GIGYF2: variants seen among roughly 807,000 people sequenced by gnomAD.
The protein encoded by GIGYF2 is GRB10 interacting GYF protein 2, also known as GRB10-interacting GYF protein 2.
A neutral mutation model predicts 208.1 loss-of-function variants in GIGYF2; 25 were observed. The observed-to-expected ratio is 0.12, with a 90% CI of 0.09 to 0.17. The LOEUF is 0.17. GIGYF2 is among the 10% of genes least tolerant of loss of function. GIGYF2 has a pLI of 1.00. For missense variants in GIGYF2, 1,302 were observed against 1,579.4 expected (o/e 0.82, Z 2.98); for synonymous variants, 534 against 543.8 (o/e 0.98, Z 0.25).
intron 8 of GIGYF2, among the ~76,000 whole-genome samples, chr2:232,775,333 CAAAG>C (rs1280359518): frequency 2.0e-5 from 3 of 147,202 alleles, no homozygotes; most frequent in African/African-American, 4.9e-5. Context: ...TAGATTAAAA[CAAAG>C]AAAGTGAAAA....
chr2:232,850,586 G>A (rs1244320141), intron 28 of GIGYF2, among the ~76,000 whole-genome samples, 177 bp downstream of exon 28: 2 of 152,202 alleles, frequency 1.3e-5, no homozygotes, highest in African/African-American at 4.8e-5. Flanking sequence ...TCTCAGTGCA[G>A]GACCTGTGCC....
intron 2 of GIGYF2, among the ~76,000 whole-genome samples, chr2:232,717,374 T>TTA (rs1470553628): frequency 3.9e-5 from 6 of 152,088 alleles, no homozygotes; most frequent in East Asian, 3.9e-4. Flanking sequence ...AATGTGAAGT[T>TTA]TATAGTTCAA....
In GIGYF2 at chr2:232,730,026, T is replaced by G. The variant is rs946552788; in HGVS notation, c.-43-5129T>G. 4.9e-6 allele frequency: 4 copies of G among 814,010 alleles called. No homozygotes were observed. The African/African-American group carries it at 5.0e-5, about 10-fold the overall frequency. 50.4% of individuals were successfully genotyped at this position (814,010 alleles called of 1,614,324 possible). A position where few individuals can be genotyped will look rare whatever the true frequency, so the allele number is the denominator to read the frequency against. On this transcript the variant is annotated intron_variant, in intron 2 of 28. Coordinates refer to ENST00000373563, the MANE Select transcript of GIGYF2 (RefSeq NM_001103146.3). ...CTTTTCTTTTTCGTAAGACTTGATG[T>G]GATTATACCAACGAAGGGCATAACA...
intron 2 of GIGYF2, chr2:232,724,804 C>T (rs1324664589): frequency 1.3e-5 from 2 of 152,112 alleles, no homozygotes; most frequent in African/African-American, 2.4e-5. Flanking sequence ...CCTCCTGCCT[C>T]AGTCTCCTAA....
rs1049516419 is a variant in GIGYF2, at chr2:232,820,273, G to A, written c.2529+288G>A. 4.6e-5 allele frequency among the ~76,000 whole-genome samples: 7 copies of A among 151,682 alleles called. No homozygotes were observed. The East Asian group carries it at 7.7e-4, about 17-fold the overall frequency. ...TTTAAAGCAAGTTTCAAACTAAAGC[G>A]GAATAGTACAACAAATTCTCATAAA... On this transcript the variant is annotated intron_variant, in intron 21 of 28. Coordinates refer to ENST00000373563, the MANE Select transcript of GIGYF2 (RefSeq NM_001103146.3).
At chr2:232,710,684 T>C (rs527607900) in intron 2 of GIGYF2, among the ~76,000 whole-genome samples, 2 of 149,112 alleles carry the variant, frequency 1.3e-5, no homozygotes, top group Admixed American at 1.4e-4. Context: ...ATTTTGGATC[T>C]TGGTGTTCTT....
Position 232,831,507 on chromosome 2 carries a change from A to G in GIGYF2, c.2530-1350A>G, listed in dbSNP as rs148652611. On this transcript the variant is annotated intron_variant, in intron 21 of 28. Coordinates refer to ENST00000373563, the MANE Select transcript of GIGYF2 (RefSeq NM_001103146.3). ...TTTCTGTCCTCAAGAAGCACAGCCT[A>G]TGTGTGTGATGAATATACAAGAAGT... is the stretch of plus-strand genomic sequence containing the variant. Among the ~76,000 whole-genome samples, 1,328 of 152,290 alleles carry G rather than the reference A, an allele frequency of 8.7e-3. 36 individuals are homozygous for G. The highest frequency in any genetic ancestry group is 0.054 in the Admixed American group (828 of 15,296).
At chr2:232,748,220 T>C (rs1161429693) in intron 4 of GIGYF2, among the ~76,000 whole-genome samples, 1 of 152,230 alleles carries the variant, frequency 6.6e-6, no homozygotes, top group Non-Finnish European at 1.5e-5. Flanking sequence ...GTGTAAAATA[T>C]ACTTTTGTTA....
chr2:232,766,787 T>A (rs1698981297), intron 8 of GIGYF2: 1 of 152,242 alleles, frequency 6.6e-6, no homozygotes, highest in African/African-American at 2.4e-5. Context: ...TGCTTGCCTT[T>A]ACTCAGCTAG....
chr2:232,783,477 A>AG, intron 8 of GIGYF2, among the ~76,000 whole-genome samples: 1 of 152,090 alleles, frequency 6.6e-6, no homozygotes, highest in East Asian at 1.9e-4. Context: ...TTTGTGAAAG[A>AG]GGGGGTTGGA....
intron 12 of GIGYF2, among the ~76,000 whole-genome samples, chr2:232,794,462 T>C (rs1465597980): frequency 6.6e-6 from 1 of 152,196 alleles, no homozygotes; most frequent in Non-Finnish European, 1.5e-5. Context: ...TGATTGTTTC[T>C]AAGAGGTCAA....
At chr2:232,701,466 G>A (rs886793054) in intron 1 of GIGYF2, among the ~76,000 whole-genome samples, 2 of 150,254 alleles carry the variant, frequency 1.3e-5, no homozygotes, top group Non-Finnish European at 3.0e-5. Flanking sequence ...GTCTTGCTCT[G>A]TCACCTAGGC....
At chr2:232,824,871 G>C (rs1038510744) in intron 21 of GIGYF2, among the ~76,000 whole-genome samples, 1 of 152,194 alleles carries the variant, frequency 6.6e-6, no homozygotes, top group African/African-American at 2.4e-5. Flanking sequence ...AATGCAGCTG[G>C]TGACTTAAAA....
chr2:232,836,322 ATATATAT>A (rs1701620902), intron 22 of GIGYF2, among the ~76,000 whole-genome samples: 1 of 26,140 alleles, frequency 3.8e-5, no homozygotes, highest in African/African-American at 1.2e-4. Flanking sequence ...ATATATATAT[ATATATAT>A]ACATATATAT....
chr2:232,843,987 A>G, intron 23 of GIGYF2, 59 bp from the exon 24 acceptor site: 1 of 1,502,298 alleles, frequency 6.7e-7, no homozygotes. Flanking sequence ...TATACTGGAT[A>G]TTTATAACTA....
At chr2:232,825,334 T>C (rs546546725) in intron 21 of GIGYF2, among the ~76,000 whole-genome samples, 4 of 152,314 alleles carry the variant, frequency 2.6e-5, no homozygotes, top group African/African-American at 9.6e-5. Flanking sequence ...TAAAGAACAT[T>C]AGTGATTCAT....
chr2:232,800,116 T>G (rs1700351509), intron 14 of GIGYF2, among the ~76,000 whole-genome samples: 1 of 152,120 alleles, frequency 6.6e-6, no homozygotes, highest in Non-Finnish European at 1.5e-5. Flanking sequence ...ATGCACTTTT[T>G]TTTTTTTAAT....
At chr2:232,726,096 ACACCTGTAATC>A (rs376531971) in intron 2 of GIGYF2, among the ~76,000 whole-genome samples, 24 of 152,270 alleles carry the variant, frequency 1.6e-4, no homozygotes, top group Middle Eastern at 3.4e-3. Flanking sequence ...GCCGTGGCCC[ACACCTGTAATC>A]CACCTGTAAT....
chr2:232,797,463 T>G (rs1487850747), intron 14 of GIGYF2, among the ~76,000 whole-genome samples: 1 of 150,258 alleles, frequency 6.7e-6, no homozygotes, highest in Non-Finnish European at 1.5e-5. Context: ...TTGTTTACAC[T>G]CTGGTAAGAT....
Sources: allele counts gnomAD v4.1 joint callset (sites outside exome capture counted in the v4.1 genomes callset), GRCh38; gene constraint gnomAD v4.1.1; transcripts MANE v1.5; gene names NCBI Gene and HGNC (gene_info 2026-07-23, HGNC 2026-07-21).